The following NFAT5 variants were observed in gnomAD, a reference collection of about 807,000 sequenced individuals.
NFAT5 encodes nuclear factor of activated T-cells 5.
In NFAT5, 31 loss-of-function variants were observed where a neutral mutation model predicts 166.5. The ratio of observed to expected loss-of-function variants is 0.19; its 90% confidence interval spans 0.14 to 0.25. The LOEUF (loss-of-function observed/expected upper bound fraction) is 0.25. Among genes scored for constraint, NFAT5 ranks in the 10% least tolerant of loss-of-function variants. The probability of loss-of-function intolerance (pLI) is 1.00; values close to 1 mark genes in which losing one functional copy is unlikely to be tolerated. For missense variants in NFAT5, 1,449 were observed against 1,821.8 expected (o/e 0.80, Z 3.72); for synonymous variants, 612 against 639.7 (o/e 0.96, Z 0.65).
intron 2 of NFAT5, among the ~76,000 whole-genome samples, chr16:69,608,064 T>C (rs950597247): frequency 1.3e-5 from 2 of 152,142 alleles, no homozygotes; most frequent in Non-Finnish European, 2.9e-5. Flanking sequence ...CTAGAAAAAC[T>C]ACTTTATTGG....
At chr16:69,632,897 A>G (rs949675661) in intron 3 of NFAT5, among the ~76,000 whole-genome samples, 5 of 152,184 alleles carry the variant, frequency 3.3e-5, no homozygotes, top group African/African-American at 7.2e-5. Flanking sequence ...GTCAGATCCT[A>G]GTTACAAACA....
chr16:69,599,435 G>A (rs1029809167), intron 2 of NFAT5, among the ~76,000 whole-genome samples: 6 of 152,136 alleles, frequency 3.9e-5, no homozygotes, highest in South Asian at 4.1e-4. Context: ...TAATTAGCTG[G>A]GCATGGTGGC....
intron 11 of NFAT5, 41 bp downstream of exon 11, chr16:69,685,011 C>T: frequency 1.4e-6 from 2 of 1,405,920 alleles, no homozygotes; most frequent in South Asian, 2.4e-5. Context: ...ATTGGGTGCT[C>T]CTGTATGTTT....
At chr16:69,577,254 T>G (rs1009305689) in intron 2 of NFAT5, among the ~76,000 whole-genome samples, 1 of 152,178 alleles carries the variant, frequency 6.6e-6, no homozygotes, top group Non-Finnish European at 1.5e-5. Flanking sequence ...TTGTAAATTG[T>G]AGTTTAGAAG....
At position 69,653,306 on chromosome 16, in the gene NFAT5, A is replaced by G. The variant is rs201220463; in HGVS notation, c.883A>G (p.Ser295Gly). 3.7e-6 allele frequency: 6 copies of G among 1,612,786 alleles called. No individual in the cohort carries two copies. Among genetic ancestry groups the G allele is most frequent in the Non-Finnish European group, 4.2e-6 (5 of 1,179,618 alleles). Residue 295 changes from serine to glycine, a missense_variant, in exon 5 of 15, where the codon AGT becomes GGT. Physicochemically the swap from Ser to Gly is moderately conservative, Grantham distance 56. Around this residue, in one of 7 missense-constraint regions of NFAT5, gnomAD observed 115 missense variants for 177.1 expected, o/e 0.65. Coordinates refer to ENST00000349945, the MANE Select transcript of NFAT5 (RefSeq NM_138713.4). ...GTTGTGTGGACAATATCCTGTTAAA[A>G]GTGAGGGAAAGGAGCTGAAGATAGT... ...PMLCGQYPVK[S>G]EGKELKIVVQ...
At chr16:69,659,137 T>A (rs903529182) in intron 6 of NFAT5, among the ~76,000 whole-genome samples, 89 of 151,820 alleles carry the variant, frequency 5.9e-4, no homozygotes, top group African/African-American at 1.8e-3. Context: ...TATTTTTTTT[T>A]TTTTTTTAAA....
At chr16:69,591,094 G>A (rs2032433387) in intron 2 of NFAT5, among the ~76,000 whole-genome samples, 1 of 152,026 alleles carries the variant, frequency 6.6e-6, no homozygotes, top group Admixed American at 6.6e-5. Flanking sequence ...ACCATGCCTG[G>A]CTAATTTTTC....
At chr16:69,671,735 C>G (rs761008565) in intron 9 of NFAT5, among the ~76,000 whole-genome samples, 5 of 152,188 alleles carry the variant, frequency 3.3e-5, no homozygotes, top group Admixed American at 2.6e-4. Flanking sequence ...ATGCATAACA[C>G]AAGGTCTCGG....
Position 69,703,534 on chromosome 16 carries a change from CCACTGTTTA to C in NFAT5, c.*7186_*7194del, listed in dbSNP as rs2037933098. ...CTCCATAATTGTTCTAATCTTCTTC[CCACTGTTTA>C]CAAATTACCAGTTAATTAACTCGTG... On this transcript the variant is annotated 3_prime_UTR_variant, in exon 15 of 15. Coordinates refer to ENST00000349945, the MANE Select transcript of NFAT5 (RefSeq NM_138713.4). The C allele has an allele frequency of 6.6e-6, 1 of 152,470 alleles. No homozygotes were observed. The highest frequency in any genetic ancestry group is 2.1e-4 in the South Asian group (1 of 4,818). 9.4% of individuals were successfully genotyped at this position (152,470 alleles called of 1,614,324 possible).
In NFAT5 at chr16:69,592,568, C is replaced by T. The variant is rs117616350; in HGVS notation, c.127+24020C>T. ...AGTCTTGACTAAAATGTGTGCTTTA[C>T]AGGGATTAAGATTAAAGTGAAGCTG... On this transcript the variant is annotated intron_variant, in intron 2 of 14. Transcript: ENST00000349945. Among the ~76,000 whole-genome samples the T allele has an allele frequency of 1.6e-3, 243 of 152,214 alleles. 2 individuals are homozygous for T. In the East Asian group the frequency reaches 0.024, roughly 15 times the overall value.
Position 69,700,940 on chromosome 16 carries a change from GTTACT to G in NFAT5, c.*4596_*4600del, listed in dbSNP as rs1195732432. The stretch of plus-strand genomic sequence containing the variant: ...GATGGTCCCAGGTCCCAGTGCTCTA[GTTACT>G]TTACTTCTTTTTTTTTTTTTGAGAT... On this transcript the variant is annotated 3_prime_UTR_variant, in exon 15 of 15. Coordinates refer to ENST00000349945, the MANE Select transcript of NFAT5 (RefSeq NM_138713.4). 1.3e-5 allele frequency: 2 copies of G among 148,894 alleles called. No homozygotes were observed. The highest frequency in any genetic ancestry group is 2.5e-5 in the African/African-American group (1 of 40,334). The allele number at this position is 148,894 out of a possible 1,614,324, so 9.2% of individuals were successfully genotyped here.
At chr16:69,627,688 A>G (rs559121611) in intron 3 of NFAT5, among the ~76,000 whole-genome samples, 1 of 152,288 alleles carries the variant, frequency 6.6e-6, no homozygotes, top group South Asian at 2.1e-4. Context: ...AAATATGGCA[A>G]AGAAACTGAT....
intron 11 of NFAT5, among the ~76,000 whole-genome samples, chr16:69,687,129 G>C (rs985280070): frequency 6.6e-6 from 1 of 152,048 alleles, no homozygotes; most frequent in Non-Finnish European, 1.5e-5. Flanking sequence ...ACTGTTTTTG[G>C]TGGGACTAGA....
At chr16:69,669,787 C>G (rs1389759993) in intron 7 of NFAT5, among the ~76,000 whole-genome samples, 190 bp from the exon 8 acceptor site, 1 of 152,194 alleles carries the variant, frequency 6.6e-6, no homozygotes, top group Non-Finnish European at 1.5e-5. Flanking sequence ...ATTATCCAAA[C>G]CAGTCACATG....
In NFAT5 at chr16:69,692,413, T is replaced by C. The variant is rs376512507; in HGVS notation, c.2588T>C (p.Met863Thr). 2 of 1,614,100 alleles carry C rather than the reference T, an allele frequency of 1.2e-6. No homozygotes were observed. Among genetic ancestry groups the C allele is most frequent in the African/African-American group, 2.7e-5 (2 of 74,936 alleles). ...ATTCAGAGTGGTGTAAGCCCTGGAA[T>C]GTTTTCCTCAACAGAGCCAACAGTC... ...SQIQSGVSPG[M>T]FSSTEPTVHT... Residue 863 changes from methionine to threonine, a missense_variant, in exon 13 of 15, where the codon ATG (methionine) becomes ACG (threonine). By Grantham distance (81) the Met-to-Thr change is moderately conservative. Transcript: ENST00000349945.
chr16:69,639,701 G>A (rs950539090), intron 3 of NFAT5, among the ~76,000 whole-genome samples: 4 of 152,054 alleles, frequency 2.6e-5, no homozygotes, highest in African/African-American at 9.7e-5. Context: ...AAATGGAAAG[G>A]TTATTTTGCT....
intron 2 of NFAT5, among the ~76,000 whole-genome samples, chr16:69,614,453 A>G (rs2033846025): frequency 6.6e-6 from 1 of 152,228 alleles, no homozygotes; most frequent in Non-Finnish European, 1.5e-5. Flanking sequence ...AATTTTTTGA[A>G]TCCGTAGTAA....
intron 7 of NFAT5, among the ~76,000 whole-genome samples, chr16:69,660,428 A>C (rs1450808209): frequency 6.6e-6 from 1 of 151,540 alleles, no homozygotes; most frequent in Non-Finnish European, 1.5e-5. Context: ...CGACTGTCTC[A>C]AAAAAAAAGA....
intron 2 of NFAT5, among the ~76,000 whole-genome samples, chr16:69,599,708 G>C (rs55886043): frequency 6.6e-6 from 1 of 152,162 alleles, no homozygotes; most frequent in Non-Finnish European, 1.5e-5. Context: ...TAAAGGAATC[G>C]AAGGAGTAAG....
Sources: gnomAD v4.1 joint callset for allele counts (sites outside exome capture counted in the v4.1 genomes callset) on GRCh38, gnomAD v4.1.1 for gene constraint, gnomAD v4.1.1 regional missense constraint, MANE v1.5 for transcripts, NCBI Gene and HGNC (gene_info 2026-07-23, HGNC 2026-07-21) for gene names.